EXOC4: variants seen among roughly 807,000 people sequenced by gnomAD.
The protein encoded by EXOC4 is exocyst complex component 4, also known as SEC8-like 1.
A neutral mutation model predicts 107.2 loss-of-function variants in EXOC4; 71 were observed. The ratio of observed to expected loss-of-function variants is 0.66; its 90% CI spans 0.55 to 0.81. The LOEUF (loss-of-function observed/expected upper bound fraction) is 0.81. EXOC4 is among the 30% of genes least tolerant of loss of function. The pLI, the probability that EXOC4 is intolerant of heterozygous loss-of-function variation, is 0.00. For synonymous variants in EXOC4, 456 were observed against 441.2 expected, an observed-to-expected ratio of 1.03 and a Z score of -0.42; for missense variants, 1,108 against 1,189.6, an observed-to-expected ratio of 0.93 and a Z score of 1.01.
intron 9 of EXOC4, among the ~76,000 whole-genome samples, chr7:133,566,051 G>GTTTAAAA (rs1800899794): frequency 6.6e-6 from 1 of 152,148 alleles, no homozygotes; most frequent in East Asian, 1.9e-4. Context: ...TTTAAAATAA[G>GTTTAAAA]GAACATGAGT....
intron 10 of EXOC4, among the ~76,000 whole-genome samples, chr7:133,670,832 G>T (rs143023043): frequency 1.2e-4 from 19 of 152,248 alleles, no homozygotes; most frequent in Admixed American, 7.8e-4. Context: ...ATCAAGTAAT[G>T]AAAAAAACCT....
At chr7:134,023,875 C>G (rs1324850367) in intron 17 of EXOC4, among the ~76,000 whole-genome samples, 1 of 151,908 alleles carries the variant, frequency 6.6e-6, no homozygotes, top group Non-Finnish European at 1.5e-5. Flanking sequence ...AAAAGAAGAC[C>G]CAAGAAGATG....
At chr7:133,324,728 G>A (rs1584812490) in intron 5 of EXOC4, among the ~76,000 whole-genome samples, 2 of 152,198 alleles carry the variant, frequency 1.3e-5, no homozygotes, top group East Asian at 3.8e-4. Context: ...TATTAGGTCT[G>A]CTTGGTGCAG....
intron 10 of EXOC4, chr7:133,727,600 C>A: frequency 6.2e-6 from 1 of 162,500 alleles, no homozygotes; most frequent in East Asian, 1.7e-4. Flanking sequence ...CCATCATAAC[C>A]TCCCTCTCCA....
rs1222894526 is a variant in EXOC4, at chr7:133,857,244, CATATAT to C, written c.1735-38331_1735-38326del. 9.1e-4 allele frequency among the ~76,000 whole-genome samples: 6 copies of C among 6,580 alleles called. 1 individual carries two copies. The highest frequency in any genetic ancestry group is 5.2e-3 in the East Asian group (1 of 194). 4.3% of individuals were successfully genotyped at this position (6,580 alleles called of 152,430 possible). A position where few individuals can be genotyped will look rare whatever the true frequency, so the allele number is the denominator to read the frequency against. Reference sequence around the variant, plus strand: ...TCCCTGGATGATTGTCTTAGTGTCACATATATATATATATATATATATATATATACA... The same window carrying C: ...TCCCTGGATGATTGTCTTAGTGTCACATATATATATATATATATATATACA... On this transcript the variant is annotated intron_variant, in intron 11 of 17. Coordinates refer to ENST00000253861, the MANE Select transcript of EXOC4 (RefSeq NM_021807.4).
At chr7:133,724,442 C>G (rs961685874) in intron 10 of EXOC4, among the ~76,000 whole-genome samples, 1 of 152,154 alleles carries the variant, frequency 6.6e-6, no homozygotes, top group Non-Finnish European at 1.5e-5. Context: ...TTACTCAGCA[C>G]TCATTCAACA....
chr7:134,003,596 C>A (rs964788157), intron 15 of EXOC4, among the ~76,000 whole-genome samples: 2 of 152,080 alleles, frequency 1.3e-5, no homozygotes, highest in African/African-American at 4.8e-5. Flanking sequence ...AGAACATAGA[C>A]CCTGGATTAT....
At chr7:133,639,549 G>A (rs17133259) in intron 10 of EXOC4, among the ~76,000 whole-genome samples, 4 of 151,948 alleles carry the variant, frequency 2.6e-5, no homozygotes, top group East Asian at 1.9e-4. Flanking sequence ...TTTATTAACC[G>A]AGAAAGGAAA....
At chr7:133,971,351 TATATATATATAGAGAGAGAG>T (rs1336240427) in intron 14 of EXOC4, among the ~76,000 whole-genome samples, 2 of 102,296 alleles carry the variant, frequency 2.0e-5, no homozygotes, top group Non-Finnish European at 3.8e-5. Flanking sequence ...TATATATATA[TATATATATATAGAGAGAGAG>T]AGAGAGAGAG....
At chr7:134,089,929 A>G in the EXOC4 span, among the ~76,000 whole-genome samples, 2 of 152,204 alleles carry the variant, frequency 1.3e-5, no homozygotes, top group Non-Finnish European at 2.9e-5. Flanking sequence ...GAAGCAGTTT[A>G]TGACCTTAAA....
At chr7:133,676,351 C>T (rs1024829460) in intron 10 of EXOC4, among the ~76,000 whole-genome samples, 3 of 152,146 alleles carry the variant, frequency 2.0e-5, no homozygotes, top group Non-Finnish European at 2.9e-5. Context: ...GTTTTAGCTG[C>T]AACTGCTGGA....
At chr7:133,975,725 G>T (rs1793816247) in intron 14 of EXOC4, among the ~76,000 whole-genome samples, 1 of 139,996 alleles carries the variant, frequency 7.1e-6, no homozygotes, top group South Asian at 2.4e-4. Context: ...CAATGACAAG[G>T]TATATTCTAA....
At chr7:133,995,176 A>T (rs572250364) in intron 14 of EXOC4, among the ~76,000 whole-genome samples, 2 of 152,352 alleles carry the variant, frequency 1.3e-5, no homozygotes, top group East Asian at 3.9e-4. Context: ...CTCAACTTAG[A>T]TATTTTTTTA....
chr7:133,956,997 A>C (rs1390382290), intron 14 of EXOC4, among the ~76,000 whole-genome samples: 4 of 151,658 alleles, frequency 2.6e-5, no homozygotes, highest in East Asian at 3.9e-4. Flanking sequence ...TTTTTTTGTC[A>C]ATGTGAGAAC....
intron 9 of EXOC4, among the ~76,000 whole-genome samples, chr7:133,527,653 T>C (rs2150918407): frequency 6.6e-6 from 1 of 152,218 alleles, no homozygotes; most frequent in South Asian, 2.1e-4. Context: ...AGAGAAAAAT[T>C]GTGTTTAATT....
chr7:133,617,801 C>T (rs1802229915), intron 9 of EXOC4, among the ~76,000 whole-genome samples: 1 of 152,126 alleles, frequency 6.6e-6, no homozygotes, highest in African/African-American at 2.4e-5. Context: ...TCAAAATATA[C>T]ATCCTCTGGG....
At chr7:133,332,138 A>T (rs891022164) in intron 5 of EXOC4, among the ~76,000 whole-genome samples, 1 of 152,098 alleles carries the variant, frequency 6.6e-6, no homozygotes, top group African/African-American at 2.4e-5. Context: ...CTCTTTATTC[A>T]TTTTATTCAT....
intron 9 of EXOC4, among the ~76,000 whole-genome samples, chr7:133,494,165 A>G (rs934048982): frequency 1.3e-5 from 2 of 152,200 alleles, no homozygotes; most frequent in African/African-American, 4.8e-5. Flanking sequence ...GGATTGGGTA[A>G]TACGTTGGTG....
intron 10 of EXOC4, among the ~76,000 whole-genome samples, chr7:133,683,930 C>G (rs959214989): frequency 2.0e-5 from 3 of 151,730 alleles, no homozygotes; most frequent in Non-Finnish European, 4.4e-5. Flanking sequence ...TTTCTTTTTT[C>G]AAAATTAAGC....
Sources: gnomAD v4.1 joint callset for allele counts (sites outside exome capture counted in the v4.1 genomes callset) on GRCh38, gnomAD v4.1.1 for gene constraint, MANE v1.5 for transcripts, NCBI Gene and HGNC (gene_info 2026-07-23, HGNC 2026-07-21) for gene names.